Variants in THSD4 observed in about 807,000 individuals in gnomAD.
The protein encoded by THSD4 is thrombospondin type 1 domain containing 4, also known as thrombospondin type-1 domain-containing protein 4.
In THSD4, 69 loss-of-function variants were observed where a neutral mutation model predicts 119.0. That is an observed-to-expected ratio of 0.58 (90% confidence interval 0.48 to 0.71). The LOEUF (loss-of-function observed/expected upper bound fraction) is 0.71. THSD4 is among the 30% of genes least tolerant of loss of function. The pLI is 0.00. For synonymous variants in THSD4, 524 were observed against 540.4 expected, an observed-to-expected ratio of 0.97 and a Z score of 0.42; for missense variants, 1,393 against 1,391.1, an observed-to-expected ratio of 1.00 and a Z score of -0.02.
intron 3 of THSD4, 148 bp downstream of exon 3, chr15:71,155,080 T>C: frequency 1.4e-6 from 1 of 717,742 alleles, no homozygotes; most frequent in East Asian, 2.6e-5. Flanking sequence ...TGTACTATTC[T>C]GTTCTCACAT....
At chr15:71,232,113 C>T (rs758241489) in intron 4 of THSD4, among the ~76,000 whole-genome samples, 13 of 152,130 alleles carry the variant, frequency 8.5e-5, no homozygotes, top group Admixed American at 2.6e-4. Context: ...TCAGCTGCTG[C>T]TCCCTCCCAT....
At chr15:71,217,058 A>G (rs113623847) in intron 4 of THSD4, among the ~76,000 whole-genome samples, 8 of 152,238 alleles carry the variant, frequency 5.3e-5, no homozygotes, top group African/African-American at 1.9e-4. Context: ...CGGTCTCCCA[A>G]AGTGCTGGGA....
At chr15:71,382,508 T>C (rs1264563930) in intron 6 of THSD4, among the ~76,000 whole-genome samples, 1 of 152,190 alleles carries the variant, frequency 6.6e-6, no homozygotes, top group Non-Finnish European at 1.5e-5. Flanking sequence ...TTTAGTTTTA[T>C]CCAGTCATTC....
At chr15:71,598,292 A>T (rs1490010884) in intron 7 of THSD4, among the ~76,000 whole-genome samples, 1 of 152,194 alleles carries the variant, frequency 6.6e-6, no homozygotes, top group Non-Finnish European at 1.5e-5. Flanking sequence ...ATACATTTGA[A>T]GAGTGCTAGT....
intron 6 of THSD4, among the ~76,000 whole-genome samples, chr15:71,371,074 TG>T (rs2046040233): frequency 6.6e-6 from 1 of 152,190 alleles, no homozygotes; most frequent in Non-Finnish European, 1.5e-5. Context: ...GTTTAAAGTC[TG>T]TTTTATCAGA....
intron 7 of THSD4, among the ~76,000 whole-genome samples, chr15:71,506,781 AGCTCC>A (rs1310708541): frequency 1.3e-5 from 2 of 152,220 alleles, no homozygotes; most frequent in African/African-American, 2.4e-5. Context: ...CCCTTCTGCC[AGCTCC>A]ATGGGGTTTG....
At chr15:71,550,589 G>A (rs978257122) in intron 7 of THSD4, among the ~76,000 whole-genome samples, 8 of 152,162 alleles carry the variant, frequency 5.3e-5, no homozygotes, top group Middle Eastern at 6.8e-3. Context: ...GGTGCCTGCC[G>A]CCACGCCCGG....
At chr15:71,458,209 A>G (rs2047366977) in intron 7 of THSD4, among the ~76,000 whole-genome samples, 1 of 152,242 alleles carries the variant, frequency 6.6e-6, no homozygotes, top group African/African-American at 2.4e-5. Context: ...ACTGAAGTTC[A>G]GAGAAATTTG....
chr15:71,727,558 A>ATGTG (rs2052876391), intron 8 of THSD4, among the ~76,000 whole-genome samples: 2 of 120,986 alleles, frequency 1.7e-5, no homozygotes, highest in African/African-American at 8.2e-5. Flanking sequence ...AAAAAAATAT[A>ATGTG]TATATATATA....
rs1432458469 is a variant in THSD4, at chr15:71,299,934, G to A, written c.1015+43219G>A. On this transcript the variant is annotated intron_variant, in intron 6 of 17. Transcript: ENST00000261862. ...GGCCAGGAGTTTCAGAACAGCCTGG[G>A]CATCATAATGAGACCCTGTCTCTAC... 2.6e-4 allele frequency among the ~76,000 whole-genome samples: 37 copies of A among 142,366 alleles called. No homozygotes were observed. The Admixed American group carries it at 2.7e-3, about 10-fold the overall frequency. The allele number at this position is 142,366 out of a possible 152,430, so 93.4% of individuals were successfully genotyped here.
At chr15:71,716,085 G>T (rs1462070583) in intron 8 of THSD4, among the ~76,000 whole-genome samples, 2 of 152,190 alleles carry the variant, frequency 1.3e-5, no homozygotes, top group Non-Finnish European at 2.9e-5. Context: ...CTTAGAGCAA[G>T]AATCTGTTCC....
At chr15:71,132,548 T>G (rs917788513) in intron 1 of THSD4, among the ~76,000 whole-genome samples, 1 of 152,258 alleles carries the variant, frequency 6.6e-6, no homozygotes, top group Non-Finnish European at 1.5e-5. Context: ...GGTTATTAGG[T>G]AATACAATTA....
intron 6 of THSD4, among the ~76,000 whole-genome samples, chr15:71,312,247 G>T (rs1291232713): frequency 1.3e-5 from 2 of 152,116 alleles, no homozygotes; most frequent in Non-Finnish European, 2.9e-5. Flanking sequence ...AGAATCGCTG[G>T]AAACCGGGAG....
chr15:71,399,674 G>C (rs1361729994), intron 6 of THSD4, among the ~76,000 whole-genome samples: 2 of 152,180 alleles, frequency 1.3e-5, no homozygotes, highest in Admixed American at 6.5e-5. Context: ...AGTTAGAGCA[G>C]AGGTTCTCCA....
At chr15:71,372,090 A>C (rs879264647) in intron 6 of THSD4, among the ~76,000 whole-genome samples, 1 of 152,194 alleles carries the variant, frequency 6.6e-6, no homozygotes, top group African/African-American at 2.4e-5. Context: ...AAGCTTGTGC[A>C]TTCGTCACGT....
At chr15:71,108,165 AGG>A (rs2141342387) in intron 1 of THSD4, among the ~76,000 whole-genome samples, 1 of 152,340 alleles carries the variant, frequency 6.6e-6, no homozygotes, top group South Asian at 2.1e-4. Context: ...TGTAGGGCTC[AGG>A]CTGCTGGGGC....
intron 7 of THSD4, among the ~76,000 whole-genome samples, chr15:71,459,406 GTCTCTC>G (rs1234322245): frequency 1.5e-5 from 1 of 66,314 alleles, no homozygotes; most frequent in Admixed American, 1.7e-4. Flanking sequence ...CTCTCTCTCT[GTCTCTC>G]TCTCTCTCTC....
chr15:71,509,214 G>A (rs928289051), intron 7 of THSD4, among the ~76,000 whole-genome samples: 18 of 152,176 alleles, frequency 1.2e-4, no homozygotes, highest in African/African-American at 4.3e-4. Flanking sequence ...TGAAGAACAG[G>A]CTTGTTTATT....
intron 7 of THSD4, among the ~76,000 whole-genome samples, chr15:71,573,390 G>C (rs2049395019): frequency 6.6e-6 from 1 of 152,184 alleles, no homozygotes; most frequent in African/African-American, 2.4e-5. Context: ...TGAAATCCAA[G>C]GACCGAAGAA....
Sources: gnomAD v4.1 joint callset for allele counts (sites outside exome capture counted in the v4.1 genomes callset) on GRCh38, gnomAD v4.1.1 for gene constraint, MANE v1.5 for transcripts, NCBI Gene and HGNC (gene_info 2026-07-23, HGNC 2026-07-21) for gene names.